The following ANKRD36 variants were observed in gnomAD, a reference collection of about 807,000 sequenced individuals.
ANKRD36 encodes ankyrin repeat domain 36.
A neutral mutation model predicts 278.1 loss-of-function variants in ANKRD36; 179 were observed. The observed-to-expected ratio is 0.64, with a 90% CI of 0.57 to 0.73. The LOEUF is 0.73. Among genes scored for constraint, ANKRD36 ranks in the 30% least tolerant of loss-of-function variants. The probability of loss-of-function intolerance (pLI) is 0.00; values close to 1 mark genes in which losing one functional copy is unlikely to be tolerated. For synonymous variants in ANKRD36, 320 were observed against 641.1 expected (o/e 0.50, Z 7.57); for missense variants, 1,159 against 1,956.7 (o/e 0.59, Z 7.69).
intron 22 of ANKRD36, among the ~76,000 whole-genome samples, chr2:97,170,617 A>G (rs2052176096): frequency 6.6e-6 from 1 of 152,006 alleles, no homozygotes; most frequent in Admixed American, 6.6e-5. Flanking sequence ...AAACCTAGCC[A>G]TTACCATTCA....
intron 6 of ANKRD36, among the ~76,000 whole-genome samples, chr2:97,133,785 T>A (rs2040771130): frequency 6.6e-6 from 1 of 152,078 alleles, no homozygotes; most frequent in Non-Finnish European, 1.5e-5. Flanking sequence ...CAGTTTTATA[T>A]TCTCAGCAAT....
At position 97,202,245 on chromosome 2, in the gene ANKRD36, AT is replaced by A; in HGVS notation, c.2886+18del. 6.2e-7 allele frequency: 1 copy of A among 1,608,834 alleles called. No individual in the cohort carries two copies. Among genetic ancestry groups the A allele is most frequent in the Non-Finnish European group, 8.5e-7 (1 of 1,178,568 alleles). ...CAGCCTTGAAGGTAATGAAACTCCC[AT>A]TTATCTTGTGAACGAGTTAATGTAT... is the stretch of plus-strand genomic sequence containing the variant. On this transcript the variant is annotated intron_variant, in intron 47 of 75. Transcript: ENST00000420699.
intron 13 of ANKRD36, 67 bp from the exon 14 acceptor site, chr2:97,152,437 T>C: frequency 3.0e-6 from 4 of 1,331,790 alleles, no homozygotes; most frequent in Non-Finnish European, 4.1e-6. Flanking sequence ...CTGTGCTCTT[T>C]TATGTTTTTA....
intron 10 of ANKRD36, among the ~76,000 whole-genome samples, chr2:97,145,928 G>A (rs2044124588): frequency 6.6e-6 from 1 of 152,054 alleles, no homozygotes; most frequent in Non-Finnish European, 1.5e-5. Context: ...AAGTGTAATT[G>A]TCATTGTGTA....
chr2:97,206,213 G>T lies in ANKRD36; in HGVS notation c.3163+78G>T, dbSNP rs901752722. The T allele has an allele frequency of 1.9e-5, 26 of 1,390,224 alleles. No homozygotes were observed. The Admixed American group carries it at 5.9e-4, about 31-fold the overall frequency. 86.1% of individuals were successfully genotyped at this position (1,390,224 alleles called of 1,614,324 possible). Reference sequence around the variant, plus strand: ...TCTCTTCCCCAAGTAAATCAGCGGGGGGCTCATCGAAGCTGCACTTTCTGA... The same window carrying T: ...TCTCTTCCCCAAGTAAATCAGCGGGTGGCTCATCGAAGCTGCACTTTCTGA... On this transcript the variant is annotated intron_variant, in intron 52 of 75. Transcript: ENST00000420699.
chr2:97,210,670 G>A (rs2064218069), intron 56 of ANKRD36, among the ~76,000 whole-genome samples: 2 of 151,828 alleles, frequency 1.3e-5, no homozygotes, highest in Non-Finnish European at 2.9e-5. Flanking sequence ...CTTCTTTAGA[G>A]AATAACGTGA....
At chr2:97,180,545 C>T (rs1309530212) in intron 24 of ANKRD36, among the ~76,000 whole-genome samples, 1 of 151,636 alleles carries the variant, frequency 6.6e-6, no homozygotes, top group Non-Finnish European at 1.5e-5. Flanking sequence ...CTACTGGAAG[C>T]AGGAAACAGT....
rs1575439929 is a variant in ANKRD36, at chr2:97,181,009, G to A, written c.1736-589G>A. Among the ~76,000 whole-genome samples the A allele has an allele frequency of 2.6e-5, 4 of 151,738 alleles. No individual in the cohort carries two copies. In the South Asian group the frequency reaches 8.4e-4, roughly 32 times the overall value. ...AAACTAGTGGATACAAGAATCTTAG[G>A]CAAATTATTACACCACATGGGTGTG... On this transcript the variant is annotated intron_variant, in intron 24 of 75. Coordinates refer to ENST00000420699, the MANE Select transcript of ANKRD36 (RefSeq NM_001354587.1).
intron 22 of ANKRD36, among the ~76,000 whole-genome samples, chr2:97,176,740 G>A (rs2054370763): frequency 6.6e-6 from 1 of 151,462 alleles, no homozygotes; most frequent in Non-Finnish European, 1.5e-5. Flanking sequence ...TTACATTTTG[G>A]CATGATTTTG....
chr2:97,144,839 T>G, intron 10 of ANKRD36, 127 bp downstream of exon 10: 1 of 1,297,194 alleles, frequency 7.7e-7, no homozygotes, highest in East Asian at 2.5e-5. Context: ...ATTCTGCATT[T>G]GTAATAAGTT....
rs1210370078 is a variant in ANKRD36, at chr2:97,144,566, A to G, written c.930+20A>G. On this transcript the variant is annotated intron_variant, in intron 9 of 75. Coordinates refer to ENST00000420699, the MANE Select transcript of ANKRD36 (RefSeq NM_001354587.1). ...TTGAAGGTATTATACTCTCATTCAT[A>G]TTTTGAATAATTAACTGTATAGTCT... The G allele has an allele frequency of 1.3e-6, 2 of 1,577,318 alleles. No homozygotes were observed. The highest frequency in any genetic ancestry group is 1.7e-6 in the Non-Finnish European group (2 of 1,168,320).
At chr2:97,174,858 G>A (rs575329660) in intron 22 of ANKRD36, among the ~76,000 whole-genome samples, 145 of 151,270 alleles carry the variant, frequency 9.6e-4, no homozygotes, top group Non-Finnish European at 1.7e-3. Context: ...TTTGTCAAAG[G>A]CTTTTTCTGC....
intron 42 of ANKRD36, among the ~76,000 whole-genome samples, chr2:97,198,205 G>C (rs1476437656): frequency 6.6e-6 from 1 of 151,900 alleles, no homozygotes; most frequent in Non-Finnish European, 1.5e-5. Context: ...CGTTGATAGT[G>C]ACACGGTTTT....
chr2:97,195,469 G>T (rs914459464), intron 40 of ANKRD36, among the ~76,000 whole-genome samples: 1 of 151,856 alleles, frequency 6.6e-6, no homozygotes, highest in Non-Finnish European at 1.5e-5. Context: ...AGATGCATTT[G>T]GAACATTTGC....
intron 48 of ANKRD36, among the ~76,000 whole-genome samples, 178 bp downstream of exon 48, chr2:97,202,571 T>C (rs1575809944): frequency 6.6e-6 from 1 of 151,820 alleles, no homozygotes; most frequent in Non-Finnish European, 1.5e-5. Context: ...GAACATGATC[T>C]TCGCTGTAAG....
At chr2:97,226,495 G>A (rs1209362032) in intron 67 of ANKRD36, among the ~76,000 whole-genome samples, 1 of 150,532 alleles carries the variant, frequency 6.6e-6, no homozygotes, top group East Asian at 2.0e-4. Context: ...TTGTAAATTT[G>A]TTTGGGTTCA....
rs1373040632 is a variant in ANKRD36 at position 97,260,644 on chromosome 2, A to G, written c.*7-3685A>G. On this transcript the variant is annotated intron_variant, in intron 75 of 75. Transcript: ENST00000420699. The stretch of plus-strand genomic sequence containing the variant: ...AATGTAACCAGCTGCATTAGCCAGT[A>G]CATAAAGAGTCAGCCTGTCCTCTGA... Among the ~76,000 whole-genome samples, 10 of 114,604 alleles carry G rather than the reference A, an allele frequency of 8.7e-5. No individual in the cohort carries two copies. The Admixed American group carries it at 1.0e-3, about 12-fold the overall frequency. The allele number at this position is 114,604 out of a possible 152,430, so 75.2% of individuals were successfully genotyped here.
chr2:97,161,660 C>A (rs2048916187), intron 17 of ANKRD36, among the ~76,000 whole-genome samples: 1 of 152,196 alleles, frequency 6.6e-6, no homozygotes, highest in African/African-American at 2.4e-5. Context: ...CTCCACTCCA[C>A]TTTCTCTGTC....
At chr2:97,192,095 A>C (rs1207029185) in intron 36 of ANKRD36, among the ~76,000 whole-genome samples, 1 of 151,754 alleles carries the variant, frequency 6.6e-6, no homozygotes, top group Non-Finnish European at 1.5e-5. Flanking sequence ...TCTGAATGTA[A>C]AACTTAATAA....
Sources: gnomAD v4.1 joint callset for allele counts (sites outside exome capture counted in the v4.1 genomes callset) on GRCh38, gnomAD v4.1.1 for gene constraint, MANE v1.5 for transcripts, NCBI Gene and HGNC (gene_info 2026-07-23, HGNC 2026-07-21) for gene names.